Variants in WASHC2C observed in about 807,000 individuals in gnomAD.
WASHC2C encodes WASH complex subunit 2C.
WASHC2C carries 73 observed loss-of-function variants against 142.2 expected under a neutral mutation model. The observed-to-expected ratio is 0.51, with a 90% confidence interval of 0.43 to 0.62. The LOEUF (loss-of-function observed/expected upper bound fraction) is 0.62, where lower values mean the gene tolerates loss of function less well. WASHC2C is among the 20% of genes least tolerant of loss of function. WASHC2C has a pLI of 0.00. For missense variants in WASHC2C, 969 were observed against 1,531.7 expected (o/e 0.63, Z 6.13); for synonymous variants, 337 against 565.5 (o/e 0.60, Z 5.73).
At chr10:45,733,866 G>A (rs1270596535) in intron 3 of WASHC2C, among the ~76,000 whole-genome samples, 1 of 152,138 alleles carries the variant, frequency 6.6e-6, no homozygotes, top group Non-Finnish European at 1.5e-5. Flanking sequence ...CAGCTTGAGG[G>A]GAGCCTCTCA....
At chr10:45,756,820 T>C (rs183435787) in intron 15 of WASHC2C, among the ~76,000 whole-genome samples, 192 bp from the exon 16 acceptor site, 4,511 of 152,298 alleles carry the variant, frequency 0.03, 57 homozygotes, top group Non-Finnish European at 0.047. Flanking sequence ...GTCTTTCAAC[T>C]GAACTGCTAC....
chr10:45,786,796 T>C, intron 27 of WASHC2C, 122 bp downstream of exon 27: 2 of 1,563,842 alleles, frequency 1.3e-6, no homozygotes, highest in Middle Eastern at 2.3e-4. Flanking sequence ...TCCCCTCCCC[T>C]GCACCTAGTT....
Position 45,766,493 on chromosome 10 carries a change from G to A in WASHC2C, c.1869+683G>A, listed in dbSNP as rs2055841351. 2.7e-5 allele frequency among the ~76,000 whole-genome samples: 4 copies of A among 146,864 alleles called. No homozygotes were observed. The South Asian group carries it at 9.0e-4, about 33-fold the overall frequency. On this transcript the variant is annotated intron_variant, in intron 19 of 30. Coordinates refer to ENST00000623400, the MANE Select transcript of WASHC2C (RefSeq NM_001330074.2). ...GGAGAAGGGCCAGGGAAAGGTCAGA[G>A]AGACCTTTCTGCTTCTGTTTTCTCA...
At chr10:45,727,134 T>C (rs2049938158), upstream of WASHC2C, 3 of 1,426,914 alleles carry the variant, frequency 2.1e-6, no homozygotes, top group Non-Finnish European at 2.7e-6. Context: ...CCAGTCCCAG[T>C]CCACTTCCGC....
At position 45,755,128 on chromosome 10, in the gene WASHC2C, G is replaced by A; in HGVS notation, c.1420+13G>A. 6.3e-7 allele frequency: 1 copy of A among 1,596,212 alleles called. No individual in the cohort carries two copies. The highest frequency in any genetic ancestry group is 8.5e-7 in the Non-Finnish European group (1 of 1,171,724). On this transcript the variant is annotated intron_variant, in intron 15 of 30. Transcript: ENST00000623400. Reference sequence around the variant, plus strand: ...CCTTCTAAAACACGTATGTGTTCCTGCCTCCGTTTCTAGGACTTCAGCCAG... The same window carrying A: ...CCTTCTAAAACACGTATGTGTTCCTACCTCCGTTTCTAGGACTTCAGCCAG...
chr10:45,758,589 T>C (rs1350976439), intron 16 of WASHC2C, among the ~76,000 whole-genome samples: 1 of 151,272 alleles, frequency 6.6e-6, no homozygotes, highest in African/African-American at 2.4e-5. Context: ...TGATAATCCA[T>C]TACCATCATT....
chr10:45,735,576 G>T (rs1224847942), intron 3 of WASHC2C, among the ~76,000 whole-genome samples: 1 of 152,142 alleles, frequency 6.6e-6, no homozygotes, highest in African/African-American at 2.4e-5. Flanking sequence ...ACTATATTGT[G>T]CCACAGAATA....
intron 21 of WASHC2C, among the ~76,000 whole-genome samples, chr10:45,773,950 T>C (rs1407111826): frequency 7.0e-6 from 1 of 142,318 alleles, no homozygotes; most frequent in African/African-American, 2.6e-5. Flanking sequence ...ATTTAAACTT[T>C]ACAAAACAAG....
At chr10:45,765,244 C>T (rs1456151608) in intron 18 of WASHC2C, among the ~76,000 whole-genome samples, 2 of 149,146 alleles carry the variant, frequency 1.3e-5, no homozygotes, top group South Asian at 2.2e-4. Flanking sequence ...GAGACAGACC[C>T]CCAGTTCTCT....
At chr10:45,776,972 A>G (rs1326859119) in intron 21 of WASHC2C, among the ~76,000 whole-genome samples, 2 of 150,210 alleles carry the variant, frequency 1.3e-5, no homozygotes, top group Non-Finnish European at 3.0e-5. Flanking sequence ...AGGCAGAGAG[A>G]GAGACTCATG....
rs2053411280 is a variant in WASHC2C at position 45,750,111 on chromosome 10, A to G, written c.748A>G (p.Ser250Gly). 1 of 1,610,880 alleles carries G rather than the reference A, an allele frequency of 6.2e-7. No homozygotes were observed. Among genetic ancestry groups the G allele is most frequent in the African/African-American group, 1.3e-5 (1 of 74,608 alleles). ...NEQNQHTTQM[S>G]DEEEDDDGCD... Reference sequence around the variant, plus strand: ...ATACTCTTAGCACACCACACAAATGAGTGATGAGGAAGAGGATGATGATGG... The same window carrying G: ...ATACTCTTAGCACACCACACAAATGGGTGATGAGGAAGAGGATGATGATGG... The change falls in exon 9 of 31, where the codon AGT (serine) becomes GGT (glycine). Residue 250 changes from serine (S) to glycine (G), a missense_variant. Coordinates refer to ENST00000623400, the MANE Select transcript of WASHC2C (RefSeq NM_001330074.2).
At chr10:45,738,737 C>T (rs540460351) in intron 4 of WASHC2C, among the ~76,000 whole-genome samples, 2 of 152,120 alleles carry the variant, frequency 1.3e-5, no homozygotes, top group East Asian at 3.9e-4. Flanking sequence ...TGGAGTCTCA[C>T]TCTGTTGCCC....
intron 4 of WASHC2C, 92 bp downstream of exon 4, chr10:45,738,137 T>C (rs1449670513): frequency 5.3e-5 from 85 of 1,607,630 alleles, no homozygotes; most frequent in Middle Eastern, 2.3e-4. Context: ...GGATGGTGGG[T>C]GGGGTTGGGA....
intron 8 of WASHC2C, among the ~76,000 whole-genome samples, chr10:45,748,432 G>T (rs2053124124): frequency 6.6e-6 from 1 of 151,992 alleles, no homozygotes; most frequent in Non-Finnish European, 1.5e-5. Flanking sequence ...TGGGATTATA[G>T]GCATGTGCCA....
rs2057310105 is a variant in WASHC2C, at chr10:45,779,195, G to T, written c.2478+60G>T. ...ATGAGATAAAAGACTCTCATCTCAT[G>T]GTTGTCATTCTGTCATGTGAGTTTC... is the stretch of plus-strand genomic sequence containing the variant. On this transcript the variant is annotated intron_variant, in intron 23 of 30. Transcript: ENST00000623400. The T allele has an allele frequency of 6.9e-6, 11 of 1,598,892 alleles. No homozygotes were observed. The East Asian group carries it at 2.5e-4, about 36-fold the overall frequency.
At chr10:45,772,491 G>T (rs188031060) in intron 20 of WASHC2C, among the ~76,000 whole-genome samples, 1,987 of 152,122 alleles carry the variant, frequency 0.013, 40 homozygotes, top group African/African-American at 0.045. Flanking sequence ...CCAAGTGGAA[G>T]GATCTCTTGA....
In WASHC2C at chr10:45,727,332, G is replaced by A. The variant is rs1413870709; in HGVS notation, c.3+12G>A. 4 of 1,585,838 alleles carry A rather than the reference G, an allele frequency of 2.5e-6. No individual in the cohort carries two copies. The highest frequency in any genetic ancestry group is 3.4e-6 in the Non-Finnish European group (4 of 1,167,536). Reference sequence around the variant, plus strand: ...GGGCGGCTGGGATGGTGAGGGCGGCGGGCCGGAGAGGGGCCGGCCTGGGCT... The same window carrying A: ...GGGCGGCTGGGATGGTGAGGGCGGCAGGCCGGAGAGGGGCCGGCCTGGGCT... On this transcript the variant is annotated intron_variant, in intron 1 of 30. Coordinates refer to ENST00000623400, the MANE Select transcript of WASHC2C (RefSeq NM_001330074.2).
intron 23 of WASHC2C, among the ~76,000 whole-genome samples, chr10:45,784,293 CATATATATATATATATATACACACACAT>C (rs2057844541): frequency 0.042 from 2,693 of 63,620 alleles, 151 homozygotes; most frequent in African/African-American, 0.13. Context: ...TATATATACA[CATATATATATATATATATACACACACAT>C]ATATATATAT....
chr10:45,769,756 T>C lies in WASHC2C; in HGVS notation c.2039+138T>C. Reference sequence around the variant, plus strand: ...TTGTGCCAGTGAGAATGTCTTTGCTTTTCAATGGCACCATCTTTTCCCTCA... The same window carrying C: ...TTGTGCCAGTGAGAATGTCTTTGCTCTTCAATGGCACCATCTTTTCCCTCA... On this transcript the variant is annotated intron_variant, in intron 20 of 30. Transcript: ENST00000623400. 4 of 1,178,168 alleles carry C rather than the reference T, an allele frequency of 3.4e-6. No homozygotes were observed. In the South Asian group the frequency reaches 5.8e-5, roughly 17 times the overall value. 73.0% of individuals were successfully genotyped at this position (1,178,168 alleles called of 1,614,324 possible).
Sources: gnomAD v4.1 joint callset for allele counts (sites outside exome capture counted in the v4.1 genomes callset) on GRCh38, gnomAD v4.1.1 for gene constraint, MANE v1.5 for transcripts, NCBI Gene and HGNC (gene_info 2026-07-23, HGNC 2026-07-21) for gene names.